NETO2: variants seen among roughly 807,000 people sequenced by gnomAD.
The protein encoded by NETO2 is neuropilin and tolloid-like protein 2.
NETO2 carries 28 observed loss-of-function variants against 62.5 expected under a neutral mutation model. The observed-to-expected ratio is 0.45, with a 90% CI of 0.33 to 0.61. NETO2 has a LOEUF of 0.61. Among genes scored for constraint, NETO2 ranks in the 20% least tolerant of loss-of-function variants. NETO2 has a pLI of 0.02. For synonymous variants in NETO2, 214 were observed against 219.1 expected (o/e 0.98, Z 0.21); for missense variants, 548 against 643.2 (o/e 0.85, Z 1.60).
At chr16:47,129,505 A>C in intron 2 of NETO2, 141 bp from the exon 3 acceptor site, 1 of 829,038 alleles carries the variant, frequency 1.2e-6, no homozygotes, top group Non-Finnish European at 1.9e-6. Context: ...ATTTAGCACA[A>C]TAAATTGAGT....
At chr16:47,141,305 T>C (rs1964456824) in intron 1 of NETO2, among the ~76,000 whole-genome samples, 1 of 152,248 alleles carries the variant, frequency 6.6e-6, no homozygotes, top group African/African-American at 2.4e-5. Context: ...ACCTCTTTGA[T>C]GTTAAAGCAA....
chr16:47,084,522 A>G (rs1413729995), intron 8 of NETO2, among the ~76,000 whole-genome samples: 1 of 152,200 alleles, frequency 6.6e-6, no homozygotes, highest in Admixed American at 6.5e-5. Flanking sequence ...TTAGATTCTC[A>G]CAGCAGCAGG....
chr16:47,127,434 T>TAC (rs369841840), intron 4 of NETO2, among the ~76,000 whole-genome samples: 156 of 151,568 alleles, frequency 1.0e-3, no homozygotes, highest in South Asian at 2.7e-3. Context: ...TATGTATCTA[T>TAC]ACACACACAC....
chr16:47,143,759 G>A lies in NETO2; in HGVS notation c.-147C>T. The A allele has an allele frequency of 9.2e-7, 1 of 1,090,442 alleles. No individual in the cohort carries two copies. The highest frequency in any genetic ancestry group is 1.2e-6 in the Non-Finnish European group (1 of 867,398). The allele number at this position is 1,090,442 out of a possible 1,614,324, so 67.5% of individuals were successfully genotyped here. On this transcript the variant is annotated 5_prime_UTR_variant, in exon 1 of 9. Transcript: ENST00000562435. ...CCCCGCTCCCCTGAGGAGAGCTCAGGTCCTGCGGCCCGCCATGCCCGAGCC... is the reference window on the plus strand; with the variant it reads ...CCCCGCTCCCCTGAGGAGAGCTCAGATCCTGCGGCCCGCCATGCCCGAGCC...
At chr16:47,138,803 C>T (rs941417020) in intron 1 of NETO2, among the ~76,000 whole-genome samples, 5 of 152,200 alleles carry the variant, frequency 3.3e-5, no homozygotes, top group African/African-American at 4.8e-5. Flanking sequence ...ACTCTGACTT[C>T]GGAGGTACTA....
chr16:47,142,407 G>A (rs961487156), intron 1 of NETO2, among the ~76,000 whole-genome samples: 6 of 152,150 alleles, frequency 3.9e-5, no homozygotes, highest in Non-Finnish European at 8.8e-5. Flanking sequence ...AGTAGACAAT[G>A]TGTCCAATTA....
At chr16:47,094,022 G>A (rs576036695) in intron 7 of NETO2, among the ~76,000 whole-genome samples, 1 of 152,030 alleles carries the variant, frequency 6.6e-6, no homozygotes, top group Non-Finnish European at 1.5e-5. Flanking sequence ...ACTATATCTG[G>A]GCAGTTCAGA....
chr16:47,084,142 T>C (rs563051655), intron 8 of NETO2, among the ~76,000 whole-genome samples: 4 of 152,248 alleles, frequency 2.6e-5, no homozygotes, highest in African/African-American at 9.6e-5. Context: ...TTCTGCTTTA[T>C]GGTAGGTTTG....
intron 6 of NETO2, among the ~76,000 whole-genome samples, chr16:47,114,789 T>C (rs1236670342): frequency 6.6e-6 from 1 of 152,138 alleles, no homozygotes; most frequent in African/African-American, 2.4e-5. Context: ...GTGTTGCATC[T>C]AAGAACTCTT....
chr16:47,097,434 C>A (rs1963450409), intron 7 of NETO2, among the ~76,000 whole-genome samples: 1 of 152,244 alleles, frequency 6.6e-6, no homozygotes, highest in Non-Finnish European at 1.5e-5. Flanking sequence ...GAGCCCACCG[C>A]AGCTCAGCAA....
At chr16:47,116,875 G>A (rs1329111197) in intron 6 of NETO2, among the ~76,000 whole-genome samples, 3 of 152,098 alleles carry the variant, frequency 2.0e-5, no homozygotes, top group Non-Finnish European at 2.9e-5. Context: ...CCATTTCATC[G>A]AAGTCATCTG....
At chr16:47,106,300 G>T (rs1963673696) in intron 7 of NETO2, among the ~76,000 whole-genome samples, 1 of 152,142 alleles carries the variant, frequency 6.6e-6, no homozygotes, top group Non-Finnish European at 1.5e-5. Flanking sequence ...AGGGTAGGGA[G>T]AGAGAAAAAT....
intron 6 of NETO2, among the ~76,000 whole-genome samples, chr16:47,111,781 T>C (rs534030691): frequency 6.6e-6 from 1 of 152,298 alleles, no homozygotes; most frequent in African/African-American, 2.4e-5. Context: ...GTAGAACTGG[T>C]GGGCAAGGAG....
intron 7 of NETO2, among the ~76,000 whole-genome samples, chr16:47,108,397 C>T (rs778969902): frequency 2.6e-5 from 4 of 152,260 alleles, no homozygotes; most frequent in Middle Eastern, 3.4e-3. Context: ...AACTGGCAGA[C>T]AGCACCTTAA....
At chr16:47,085,324 C>T (rs1335151107) in intron 8 of NETO2, among the ~76,000 whole-genome samples, 2 of 151,626 alleles carry the variant, frequency 1.3e-5, no homozygotes, top group African/African-American at 2.4e-5. Flanking sequence ...GTTTACAATA[C>T]AAATGACAAA....
At chr16:47,122,997 T>C in intron 4 of NETO2, 85 bp from the exon 5 acceptor site, 1 of 1,312,080 alleles carries the variant, frequency 7.6e-7, no homozygotes, top group Non-Finnish European at 1.1e-6. Context: ...AACGTTCCAT[T>C]TCATAGCAAG....
In NETO2 at chr16:47,109,677, T is replaced by C; in HGVS notation, c.689A>G (p.His230Arg). 2 of 1,613,770 alleles carry C rather than the reference T, an allele frequency of 1.2e-6. No homozygotes were observed. The highest frequency in any genetic ancestry group is 1.7e-6 in the Non-Finnish European group (2 of 1,179,630). Residue 230 changes from histidine to arginine, a missense_variant, in exon 7 of 9, where the codon CAC becomes CGC. His to Arg is a conservative substitution (Grantham distance 29). Transcript: ENST00000562435. ...YLRFLDYQME[H>R]SNECKRNFVA... ...GAAGTTTCTCTTGCATTCATTTGAG[T>C]GCTCCATTTGATAATCTAGGAACCT...
chr16:47,125,644 C>T (rs903955966), intron 4 of NETO2, among the ~76,000 whole-genome samples: 1 of 152,184 alleles, frequency 6.6e-6, no homozygotes, highest in South Asian at 2.1e-4. Flanking sequence ...CCACATCTGG[C>T]TGCTACTATT....
intron 1 of NETO2, among the ~76,000 whole-genome samples, chr16:47,142,363 G>A (rs1353121322): frequency 6.6e-6 from 1 of 152,176 alleles, no homozygotes; most frequent in Non-Finnish European, 1.5e-5. Flanking sequence ...TCGAATTACT[G>A]AAATCTCAAT....
Sources: allele counts gnomAD v4.1 joint callset (sites outside exome capture counted in the v4.1 genomes callset), GRCh38; gene constraint gnomAD v4.1.1; transcripts MANE v1.5; gene names NCBI Gene and HGNC (gene_info 2026-07-23, HGNC 2026-07-21).